PHKG2: variants seen among roughly 807,000 people sequenced by gnomAD.
PHKG2 encodes the protein phosphorylase b kinase gamma catalytic chain, liver/testis isoform.
PHKG2 carries 28 observed loss-of-function variants against 44.5 expected under a neutral mutation model. The ratio of observed to expected loss-of-function variants is 0.63; its 90% CI spans 0.47 to 0.86. The LOEUF (loss-of-function observed/expected upper bound fraction) is 0.86. Ranked by LOEUF, PHKG2 falls within the 40% of genes least tolerant of loss-of-function variation. The pLI is 0.00. For synonymous variants in PHKG2, 220 were observed against 211.2 expected (o/e 1.04, Z -0.36); for missense variants, 498 against 547.5 (o/e 0.91, Z 0.90).
rs2053344281 is a variant in PHKG2 at position 30,751,559 on chromosome 16, C to T, written c.282C>T (p.Ile94=). Reference sequence around the variant, plus strand: ...TTCCTCTCTCCCTAGTCACCCTCATCGATTCCTACGAGTCTTCTAGCTTCA... The same window carrying T: ...TTCCTCTCTCCCTAGTCACCCTCATTGATTCCTACGAGTCTTCTAGCTTCA... ...VAGHPHIITL[I]DSYESSSFMF... Residue 94 remains isoleucine, a synonymous_variant, in exon 4 of 10, where the codon ATC becomes ATT. Coordinates refer to ENST00000563588, the MANE Select transcript of PHKG2 (RefSeq NM_000294.3). 5.0e-6 allele frequency: 8 copies of T among 1,613,460 alleles called. No individual in the cohort carries two copies. Among genetic ancestry groups the T allele is most frequent in the Non-Finnish European group, 5.9e-6 (7 of 1,179,332 alleles).
At position 30,758,933 on chromosome 16, in the gene PHKG2, G is replaced by T. The variant is rs1364076536; in HGVS notation, c.*1836G>T. Reference sequence around the variant, plus strand: ...GACTCTGACTAAAAACAAAAAGTCTGAAGTCCTGATGTCATCCAAACCCTT... The same window carrying T: ...GACTCTGACTAAAAACAAAAAGTCTTAAGTCCTGATGTCATCCAAACCCTT... On this transcript the variant is annotated 3_prime_UTR_variant, in exon 10 of 10. Coordinates refer to ENST00000563588, the MANE Select transcript of PHKG2 (RefSeq NM_000294.3). 1.3e-6 allele frequency: 2 copies of T among 1,557,658 alleles called. No homozygotes were observed. The highest frequency in any genetic ancestry group is 1.4e-5 in the African/African-American group (1 of 72,584).
In PHKG2 at chr16:30,757,022, T is replaced by G; in HGVS notation, c.1146T>G (p.Phe382Leu). 1.2e-6 allele frequency: 2 copies of G among 1,612,506 alleles called. No homozygotes were observed. The highest frequency in any genetic ancestry group is 2.2e-5 in the South Asian group (2 of 91,090). Residue 382 changes from phenylalanine (F) to leucine (L), a missense_variant, in exon 10 of 10, where the codon TTT (phenylalanine) becomes TTG (leucine). Coordinates refer to ENST00000563588, the MANE Select transcript of PHKG2 (RefSeq NM_000294.3). ...ALFQHRPPGP[F>L]PIMGPEEEGD... is the part of the protein sequence containing the mutation. ...TTCAGCACCGGCCCCCTGGGCCTTT[T>G]CCCATCATGGGCCCTGAAGAGGAGG...
In PHKG2 at chr16:30,760,588, G is replaced by C. The variant is rs748637602; in HGVS notation, c.*3491G>C. The stretch of plus-strand genomic sequence containing the variant: ...AGCCTTTGCCAAGAGCTCTTCCCAC[G>C]CCCCCCTCAGTCCCTACTCCCTCAT... On this transcript the variant is annotated 3_prime_UTR_variant, in exon 10 of 10. Transcript: ENST00000563588. The C allele has an allele frequency of 3.2e-6, 5 of 1,560,832 alleles. No homozygotes were observed. In the Admixed American group the frequency reaches 9.6e-5, roughly 30 times the overall value.
rs1386307095 is a variant in PHKG2 at position 30,751,300 on chromosome 16, C to T, written c.271+19C>T. ...CACATCAGTGAGGCTGTCTTCCTTG[C>T]TCCTGTTAGCAGACGACCCCCCACC... On this transcript the variant is annotated intron_variant, in intron 3 of 9. Transcript: ENST00000563588. 1 of 1,607,136 alleles carries T rather than the reference C, an allele frequency of 6.2e-7. No individual in the cohort carries two copies. The highest frequency in any genetic ancestry group is 8.5e-7 in the Non-Finnish European group (1 of 1,179,722).
Position 30,759,442 on chromosome 16 carries a change from A to C in PHKG2, c.*2345A>C. 1.2e-6 allele frequency: 2 copies of C among 1,614,222 alleles called. No individual in the cohort carries two copies. The highest frequency in any genetic ancestry group is 1.7e-6 in the Non-Finnish European group (2 of 1,180,040). On this transcript the variant is annotated 3_prime_UTR_variant, in exon 10 of 10. Coordinates refer to ENST00000563588, the MANE Select transcript of PHKG2 (RefSeq NM_000294.3). ...CAGCTGTTCCTCTTTGAAGAGGTCG[A>C]TGCTGAAAGGAGGCCGCTGTGGTGG...
At chr16:30,749,227 T>TC (rs2053311326) in intron 2 of PHKG2, among the ~76,000 whole-genome samples, 1 of 79,258 alleles carries the variant, frequency 1.3e-5, no homozygotes, top group Non-Finnish European at 2.6e-5. Flanking sequence ...GTGTGTGTCT[T>TC]TCGGTGGTGG....
Position 30,759,069 on chromosome 16 carries a change from C to T in PHKG2, c.*1972C>T. On this transcript the variant is annotated 3_prime_UTR_variant, in exon 10 of 10. Coordinates refer to ENST00000563588, the MANE Select transcript of PHKG2 (RefSeq NM_000294.3). ...AGTTCCTCTTTCTGCGGGGTAACTG[C>T]CTGCTCCTCCATCTCCTTGCTTTCT... 1 of 1,614,210 alleles carries T rather than the reference C, an allele frequency of 6.2e-7. No individual in the cohort carries two copies. The highest frequency in any genetic ancestry group is 8.5e-7 in the Non-Finnish European group (1 of 1,180,034).
chr16:30,757,700 T>C lies in PHKG2; in HGVS notation c.*603T>C, dbSNP rs780254584. On this transcript the variant is annotated 3_prime_UTR_variant, in exon 10 of 10. Coordinates refer to ENST00000563588, the MANE Select transcript of PHKG2 (RefSeq NM_000294.3). ...GGGCAGGGTGAGGAGAGATGCTGTC[T>C]GGCAATGGGGGGATGGTCCCTAGTT... The C allele has an allele frequency of 2.6e-6, 4 of 1,564,064 alleles. No homozygotes were observed. Among genetic ancestry groups the C allele is most frequent in the Non-Finnish European group, 2.6e-6 (3 of 1,153,232 alleles).
In PHKG2 at chr16:30,757,013, T is replaced by C. The variant is rs61731628; in HGVS notation, c.1137T>C (p.Pro379=). 3.8e-3 allele frequency: 6,176 copies of C among 1,612,272 alleles called. 15 individuals are homozygous for C. The highest frequency in any genetic ancestry group is 4.9e-3 in the Non-Finnish European group (5,796 of 1,180,014). Residue 379 remains proline, a synonymous_variant, in exon 10 of 10, where the codon CCT becomes CCC. Coordinates refer to ENST00000563588, the MANE Select transcript of PHKG2 (RefSeq NM_000294.3). The part of the protein sequence containing the change: ...NRAALFQHRP[P]GPFPIMGPEE... ...CGGCTCTCTTTCAGCACCGGCCCCC[T>C]GGGCCTTTTCCCATCATGGGCCCTG...
chr16:30,759,844 G>A lies in PHKG2; in HGVS notation c.*2747G>A. On this transcript the variant is annotated 3_prime_UTR_variant, in exon 10 of 10. Coordinates refer to ENST00000563588, the MANE Select transcript of PHKG2 (RefSeq NM_000294.3). ...CAGACAGATCTGGGTTTCAGCACTG[G>A]CTTGTTTCCTTAACTCATGTAACAA... 6.8e-7 allele frequency: 1 copy of A among 1,475,324 alleles called. No homozygotes were observed. The highest frequency in any genetic ancestry group is 2.4e-5 in the East Asian group (1 of 41,170). The allele number at this position is 1,475,324 out of a possible 1,614,324, so 91.4% of individuals were successfully genotyped here. A position where few individuals can be genotyped will look rare whatever the true frequency, so the allele number is the denominator to read the frequency against.
At position 30,759,048 on chromosome 16, in the gene PHKG2, CCT is replaced by C. The variant is rs775822711; in HGVS notation, c.*1954_*1955del. ...TCTGGTGGGGCCACTGTCTCTAGTTCCTCTTTCTGCGGGGTAACTGCCTGCTC... is the reference window on the plus strand; with the variant it reads ...TCTGGTGGGGCCACTGTCTCTAGTTCCTTTCTGCGGGGTAACTGCCTGCTC... On this transcript the variant is annotated 3_prime_UTR_variant, in exon 10 of 10. Transcript: ENST00000563588. 1.5e-4 allele frequency: 243 copies of C among 1,614,220 alleles called. 1 individual carries two copies. The Middle Eastern group carries it at 2.1e-3, about 14-fold the overall frequency.
chr16:30,760,078 G>T lies in PHKG2; in HGVS notation c.*2981G>T, dbSNP rs775099923. The T allele has an allele frequency of 6.5e-7, 1 of 1,535,626 alleles. No individual in the cohort carries two copies. Among genetic ancestry groups the T allele is most frequent in the Admixed American group, 2.0e-5 (1 of 50,880 alleles). On this transcript the variant is annotated 3_prime_UTR_variant, in exon 10 of 10. Coordinates refer to ENST00000563588, the MANE Select transcript of PHKG2 (RefSeq NM_000294.3). ...ATATATTTGCATATATTATTTCTCA[G>T]AACAGTCCTGTAAAATGTGTGCTGT...
Position 30,759,611 on chromosome 16 carries a change from C to T in PHKG2, c.*2514C>T, listed in dbSNP as rs1202039637. 6.8e-6 allele frequency: 11 copies of T among 1,613,948 alleles called. No individual in the cohort carries two copies. Among genetic ancestry groups the T allele is most frequent in the East Asian group, 6.7e-5 (3 of 44,892 alleles). On this transcript the variant is annotated 3_prime_UTR_variant, in exon 10 of 10. Coordinates refer to ENST00000563588, the MANE Select transcript of PHKG2 (RefSeq NM_000294.3). ...TGAGAGAGACTGGGTGAGACCTTGT[C>T]TGGGGATGGGTAAAGTTTCCAGAAT... is the stretch of plus-strand genomic sequence containing the variant.
chr16:30,757,416 A>G lies in PHKG2; in HGVS notation c.*319A>G. Reference sequence around the variant, plus strand: ...GGGCAGGAAAGCCCAGAAGGTGCTCAGCAGGGTGCAGGGATGGTGCCATTC... The same window carrying G: ...GGGCAGGAAAGCCCAGAAGGTGCTCGGCAGGGTGCAGGGATGGTGCCATTC... On this transcript the variant is annotated 3_prime_UTR_variant, in exon 10 of 10. Coordinates refer to ENST00000563588, the MANE Select transcript of PHKG2 (RefSeq NM_000294.3). The G allele has an allele frequency of 6.4e-7, 1 of 1,568,408 alleles. No homozygotes were observed.
chr16:30,748,768 C>A, intron 1 of PHKG2, 35 bp from the exon 2 acceptor site: 1 of 1,227,534 alleles, frequency 8.1e-7, no homozygotes, highest in Non-Finnish European at 1.1e-6. Context: ...AGCCTGTGGG[C>A]CTCCCTGCCC....
At chr16:30,755,091 C>T (rs960393719) in intron 6 of PHKG2, 6 of 356,830 alleles carry the variant, frequency 1.7e-5, no homozygotes, top group South Asian at 1.2e-4. Context: ...AAAATACAGA[C>T]TTGAGCCAAG....
chr16:30,750,189 T>C lies in PHKG2; in HGVS notation c.96-917T>C, dbSNP rs558822325. Among the ~76,000 whole-genome samples, 3 of 152,104 alleles carry C rather than the reference T, an allele frequency of 2.0e-5. No individual in the cohort carries two copies. In the East Asian group the frequency reaches 5.8e-4, roughly 29 times the overall value. ...AGGGTTTTGCCCCACCTATGATGTA[T>C]GAATTCAGATTTGTGTAAAAAAATA... On this transcript the variant is annotated intron_variant, in intron 2 of 9. Coordinates refer to ENST00000563588, the MANE Select transcript of PHKG2 (RefSeq NM_000294.3).
chr16:30,756,199 G>C lies in PHKG2; in HGVS notation c.574G>C (p.Gly192Arg). 1 of 1,614,018 alleles carries C rather than the reference G, an allele frequency of 6.2e-7. No individual in the cohort carries two copies. Among genetic ancestry groups the C allele is most frequent in the Non-Finnish European group, 8.5e-7 (1 of 1,179,886 alleles). ...CTCCCCAGAGTTGTGTGGGACCCCA[G>C]GGTATCTAGCGCCAGAGATCCTTAA... Reference protein sequence around the residue: ...EKLRELCGTPGYLAPEILKCS... With the variant: ...EKLRELCGTPRYLAPEILKCS... Residue 192 changes from glycine (G) to arginine (R), a missense_variant, in exon 7 of 10, where the codon GGG (glycine) becomes CGG (arginine). Gly to Arg is a moderately radical substitution (Grantham distance 125). Coordinates refer to ENST00000563588, the MANE Select transcript of PHKG2 (RefSeq NM_000294.3).
Position 30,761,099 on chromosome 16 carries a change from T to C in PHKG2, c.*4002T>C. ...GTAATTGCATCTCCAGGCCTCAGTC[T>C]CATCTGTAAAATGGGGATGCCCTGG... On this transcript the variant is annotated 3_prime_UTR_variant, in exon 10 of 10. Coordinates refer to ENST00000563588, the MANE Select transcript of PHKG2 (RefSeq NM_000294.3). 2 of 1,387,394 alleles carry C rather than the reference T, an allele frequency of 1.4e-6. No individual in the cohort carries two copies. Among genetic ancestry groups the C allele is most frequent in the Admixed American group, 3.7e-5 (2 of 53,692 alleles). 85.9% of individuals were successfully genotyped at this position (1,387,394 alleles called of 1,614,324 possible).
Sources: gnomAD v4.1 joint callset for allele counts (sites outside exome capture counted in the v4.1 genomes callset) on GRCh38, gnomAD v4.1.1 for gene constraint, MANE v1.5 for transcripts, NCBI Gene and HGNC (gene_info 2026-07-23, HGNC 2026-07-21) for gene names.